The following RMDN2 variants were observed in gnomAD, a reference collection of about 807,000 sequenced individuals.
The protein encoded by RMDN2 is regulator of microtubule dynamics protein 2.
A neutral mutation model predicts 52.8 loss-of-function variants in RMDN2; 61 were observed. The observed-to-expected ratio is 1.16, with a 90% CI of 0.94 to 1.43. The LOEUF is 1.43. Ranked by LOEUF, RMDN2 falls within the 40% of genes most tolerant of loss-of-function variation. The probability of loss-of-function intolerance (pLI) is 0.00; values close to 1 mark genes in which losing one functional copy is unlikely to be tolerated. For missense variants in RMDN2, 592 were observed against 475.3 expected (o/e 1.25, Z -2.28); for synonymous variants, 180 against 153.1 (o/e 1.18, Z -1.30).
Position 37,959,951 on chromosome 2 carries a change from C to CTCTCTT in RMDN2, c.453-14089_453-14088insTCTCTT, listed in dbSNP as rs1415849873. Among the ~76,000 whole-genome samples, 886 of 148,126 alleles carry CTCTCTT rather than the reference C, an allele frequency of 6.0e-3. 10 individuals carry two copies. The highest frequency in any genetic ancestry group is 0.023 in the African/African-American group (852 of 37,618). On this transcript the variant is annotated intron_variant, in intron 2 of 10. Coordinates refer to ENST00000354545, the MANE Select transcript of RMDN2 (RefSeq NM_001170791.3). ...GTTTTTCCATTTCCATGTAGTTGTGCAGTTTTGAGTGAGTTTCTTAATCTT... is the reference window on the plus strand; with the variant it reads ...GTTTTTCCATTTCCATGTAGTTGTGCTCTCTTAGTTTTGAGTGAGTTTCTTAATCTT...
At chr2:37,969,940 C>T (rs994728513) in intron 2 of RMDN2, among the ~76,000 whole-genome samples, 7 of 151,096 alleles carry the variant, frequency 4.6e-5, no homozygotes, top group South Asian at 4.2e-4. Context: ...GTTTTCTTTC[C>T]CTTTCCCTTT....
intron 10 of RMDN2, among the ~76,000 whole-genome samples, chr2:38,005,894 G>A (rs1178505774): frequency 6.6e-6 from 1 of 152,178 alleles, no homozygotes; most frequent in Non-Finnish European, 1.5e-5. Flanking sequence ...GTGTAAGGAA[G>A]GGATCCAGTT....
intron 2 of RMDN2, among the ~76,000 whole-genome samples, chr2:37,962,179 A>C (rs1670328261): frequency 6.6e-6 from 1 of 152,206 alleles, no homozygotes; most frequent in African/African-American, 2.4e-5. Context: ...TCAGGGACTC[A>C]CTTGAGGAGG....
intron 10 of RMDN2, among the ~76,000 whole-genome samples, chr2:38,046,173 T>C (rs1681261354): frequency 1.3e-5 from 2 of 152,186 alleles, no homozygotes; most frequent in South Asian, 4.1e-4. Flanking sequence ...ACATAAGAAC[T>C]TTCAAGACAG....
chr2:38,062,385 G>A (rs1192045430), intron 10 of RMDN2, among the ~76,000 whole-genome samples: 2 of 152,198 alleles, frequency 1.3e-5, no homozygotes, highest in African/African-American at 2.4e-5. Context: ...CATTCAAGTT[G>A]TTGTGTGTAT....
chr2:37,967,842 A>C (rs1469173475), intron 2 of RMDN2, among the ~76,000 whole-genome samples: 2 of 152,164 alleles, frequency 1.3e-5, no homozygotes, highest in Non-Finnish European at 2.9e-5. Context: ...ATTTTTCTTC[A>C]GTTAATAATG....
chr2:38,015,779 A>G (rs1678685698), intron 10 of RMDN2, among the ~76,000 whole-genome samples: 1 of 152,200 alleles, frequency 6.6e-6, no homozygotes, highest in Admixed American at 6.5e-5. Flanking sequence ...GGAGCGATCT[A>G]ACAACATGTC....
Position 38,029,021 on chromosome 2 carries a change from G to T in RMDN2, c.1713+24805G>T, listed in dbSNP as rs1679986605. 2.0e-5 allele frequency among the ~76,000 whole-genome samples: 3 copies of T among 152,106 alleles called. No individual in the cohort carries two copies. In the South Asian group the frequency reaches 6.2e-4, roughly 31 times the overall value. ...AGGCAAAGAACAGGAGACTGGGCGG[G>T]CACATATCCATGCAAATAAAGTCCT... On this transcript the variant is annotated intron_variant, in intron 10 of 10. Transcript: ENST00000234195.
At chr2:38,054,710 T>C (rs1681783083) in intron 10 of RMDN2, among the ~76,000 whole-genome samples, 1 of 152,176 alleles carries the variant, frequency 6.6e-6, no homozygotes, top group Non-Finnish European at 1.5e-5. Context: ...TTATGAATTC[T>C]CTTCTCTCTT....
rs560444566 is a variant in RMDN2 at position 38,062,953 on chromosome 2, T to G, written c.1714-4029T>G. Among the ~76,000 whole-genome samples the G allele has an allele frequency of 2.0e-5, 3 of 152,284 alleles. No individual in the cohort carries two copies. In the South Asian group the frequency reaches 6.2e-4, roughly 32 times the overall value. ...CCCTACAAAGGACATGAACTCATCA[T>G]TTTTTATGGTTGCATAGTATTCCAT... On this transcript the variant is annotated intron_variant, in intron 10 of 10. Transcript: ENST00000234195.
chr2:37,933,649 G>C (rs1345957495), intron 2 of RMDN2, among the ~76,000 whole-genome samples: 1 of 152,268 alleles, frequency 6.6e-6, no homozygotes, highest in East Asian at 1.9e-4. Context: ...GCGTGCGCCT[G>C]CAATGGCAGG....
intron 10 of RMDN2, among the ~76,000 whole-genome samples, chr2:38,055,604 C>G (rs186351214): frequency 6.6e-6 from 1 of 152,272 alleles, no homozygotes; most frequent in African/African-American, 2.4e-5. Context: ...TTTGAAGTAT[C>G]AGCTTGGTCC....
At chr2:37,945,818 A>C (rs759387320) in intron 2 of RMDN2, among the ~76,000 whole-genome samples, 1 of 152,134 alleles carries the variant, frequency 6.6e-6, no homozygotes, top group African/African-American at 2.4e-5. Flanking sequence ...GAGTCTATAC[A>C]CTTTACCACT....
intron 2 of RMDN2, among the ~76,000 whole-genome samples, chr2:37,955,381 G>A (rs1034043520): frequency 7.2e-5 from 11 of 152,054 alleles, no homozygotes; most frequent in Non-Finnish European, 1.6e-4. Flanking sequence ...TTCCTAGTTT[G>A]TTGAGTGTTT....
At chr2:38,062,921 T>C in intron 10 of RMDN2, among the ~76,000 whole-genome samples, 1 of 152,202 alleles carries the variant, frequency 6.6e-6, no homozygotes, top group Admixed American at 6.5e-5. Context: ...TACAGTTTCA[T>C]CCATGTCCCT....
At chr2:38,039,071 C>A (rs1558579561) in intron 10 of RMDN2, among the ~76,000 whole-genome samples, 3 of 122,926 alleles carry the variant, frequency 2.4e-5, no homozygotes, top group Non-Finnish European at 3.8e-5. Context: ...CACACACACA[C>A]ACACACACAC....
At chr2:38,010,626 A>G (rs1046867624) in intron 10 of RMDN2, among the ~76,000 whole-genome samples, 1 of 152,156 alleles carries the variant, frequency 6.6e-6, no homozygotes, top group Non-Finnish European at 1.5e-5. Flanking sequence ...TTCTTTGACT[A>G]GGAAAGGGAA....
chr2:37,931,014 C>A (rs569201151), intron 2 of RMDN2, among the ~76,000 whole-genome samples: 1 of 151,176 alleles, frequency 6.6e-6, no homozygotes, highest in African/African-American at 2.4e-5. Context: ...CCCACCCACC[C>A]GCCGACTAGG....
At chr2:37,990,186 A>G (rs1202997663) in intron 6 of RMDN2, among the ~76,000 whole-genome samples, 1 of 151,448 alleles carries the variant, frequency 6.6e-6, no homozygotes, top group Non-Finnish European at 1.5e-5. Context: ...AGATTCTGAA[A>G]GAAGTCACGG....
Sources: allele counts gnomAD v4.1 joint callset (sites outside exome capture counted in the v4.1 genomes callset), GRCh38; gene constraint gnomAD v4.1.1; transcripts MANE v1.5; gene names NCBI Gene and HGNC (gene_info 2026-07-23, HGNC 2026-07-21).